Variants in HMCN2 observed in about 807,000 individuals in gnomAD.
The protein encoded by HMCN2 is hemicentin-2.
In HMCN2, 325 loss-of-function variants were observed where a neutral mutation model predicts 377.5. That is an observed-to-expected ratio of 0.86 (90% confidence interval 0.79 to 0.94). The LOEUF is 0.94. HMCN2 is among the 40% of genes least tolerant of loss of function. The pLI, the probability that HMCN2 is intolerant of heterozygous loss-of-function variation, is 0.00. For missense variants in HMCN2, 4,543 were observed against 4,725.3 expected, an observed-to-expected ratio of 0.96 and a Z score of 1.13; for synonymous variants, 2,007 against 2,046.8, an observed-to-expected ratio of 0.98 and a Z score of 0.53.
At chr9:130,330,992 C>CACACAT (rs1838395219) in intron 22 of HMCN2, among the ~76,000 whole-genome samples, 1 of 151,056 alleles carries the variant, frequency 6.6e-6, no homozygotes, top group Non-Finnish European at 1.5e-5. Flanking sequence ...CACACACACA[C>CACACAT]ACACACACAC....
chr9:130,348,246 T>C (rs770459286), intron 26 of HMCN2, among the ~76,000 whole-genome samples: 2 of 152,234 alleles, frequency 1.3e-5, no homozygotes, highest in Admixed American at 6.5e-5. Flanking sequence ...CCCTGGTCAC[T>C]GTGACACCAG....
At chr9:130,275,647 A>G (rs1407735881) in intron 1 of HMCN2, among the ~76,000 whole-genome samples, 7 of 152,106 alleles carry the variant, frequency 4.6e-5, no homozygotes, top group Non-Finnish European at 1.0e-4. Context: ...ATGGAGTTTC[A>G]CTATGTTGGC....
At chr9:130,284,909 G>A (rs1554927055) in intron 2 of HMCN2, among the ~76,000 whole-genome samples, 1 of 152,204 alleles carries the variant, frequency 6.6e-6, no homozygotes, top group African/African-American at 2.4e-5. Context: ...TGCCCTCCAT[G>A]CCAGATTCCA....
Position 130,372,820 on chromosome 9 carries a change from C to T in HMCN2, c.7352-218C>T, listed in dbSNP as rs575261750. Among the ~76,000 whole-genome samples the T allele has an allele frequency of 2.3e-4, 35 of 152,332 alleles. No individual in the cohort carries two copies. The East Asian group carries it at 6.8e-3, about 29-fold the overall frequency. On this transcript the variant is annotated intron_variant, in intron 47 of 97. Transcript: ENST00000683500. Reference sequence around the variant, plus strand: ...TTTTTGACACCACTAAGACTGCCTGCCTCTCATCAGAGTCTTCTTCTGAGA... The same window carrying T: ...TTTTTGACACCACTAAGACTGCCTGTCTCTCATCAGAGTCTTCTTCTGAGA...
intron 32 of HMCN2, 46 bp downstream of exon 32, chr9:130,355,090 C>T: frequency 8.2e-7 from 1 of 1,219,262 alleles, no homozygotes; most frequent in Non-Finnish European, 1.1e-6. Flanking sequence ...CTGTGGACGT[C>T]TGCCCAGGCC....
intron 19 of HMCN2, among the ~76,000 whole-genome samples, chr9:130,323,504 C>T (rs1837959631): frequency 6.6e-6 from 1 of 152,186 alleles, no homozygotes; most frequent in Non-Finnish European, 1.5e-5. Flanking sequence ...GTTAAATTAG[C>T]TTTTGTGCTG....
intron 85 of HMCN2, among the ~76,000 whole-genome samples, chr9:130,416,105 T>A (rs866230965): frequency 1.7e-3 from 250 of 145,914 alleles, no homozygotes; most frequent in African/African-American, 3.2e-3. Context: ...GCTTTATTTT[T>A]TTTTTTTTTT....
chr9:130,346,783 G>A (rs953209951), intron 25 of HMCN2, among the ~76,000 whole-genome samples: 30 of 152,154 alleles, frequency 2.0e-4, no homozygotes, highest in African/African-American at 6.5e-4. Context: ...GCATAGACGC[G>A]TCCTCTGATC....
intron 34 of HMCN2, 61 bp downstream of exon 34, chr9:130,356,318 G>A (rs1564810960): frequency 5.7e-6 from 7 of 1,237,758 alleles, no homozygotes; most frequent in South Asian, 4.2e-5. Flanking sequence ...GGTGGGTGGA[G>A]CCTGGGCTGT....
At chr9:130,348,847 G>A (rs1839538451) in intron 27 of HMCN2, 137 bp from the exon 28 acceptor site, 1 of 1,204,556 alleles carries the variant, frequency 8.3e-7, no homozygotes, top group Non-Finnish European at 1.1e-6. Context: ...AGTGAAGCCT[G>A]GCAGGGGCTG....
chr9:130,425,149 G>A lies in HMCN2; in HGVS notation c.13641+19G>A. On this transcript the variant is annotated intron_variant, in intron 89 of 97. Coordinates refer to ENST00000683500, the MANE Select transcript of HMCN2 (RefSeq NM_001291815.2). ...AGTGCAGGTCGGGGGTCAAGCCCTGGGGTGTGCAGACAGGGTAGGTGAGAG... is the reference window on the plus strand; with the variant it reads ...AGTGCAGGTCGGGGGTCAAGCCCTGAGGTGTGCAGACAGGGTAGGTGAGAG... 1 of 1,536,842 alleles carries A rather than the reference G, an allele frequency of 6.5e-7. No individual in the cohort carries two copies. The highest frequency in any genetic ancestry group is 8.8e-7 in the Non-Finnish European group (1 of 1,139,788).
chr9:130,407,814 C>T, intron 83 of HMCN2, 109 bp downstream of exon 83: 10 of 797,334 alleles, frequency 1.3e-5, no homozygotes, highest in Non-Finnish European at 1.6e-5. Context: ...CTAGTGGTTC[C>T]CCACCCTGGC....
In HMCN2 at chr9:130,375,989, A is replaced by T. The variant is rs1193967942; in HGVS notation, c.7918A>T (p.Ile2640Phe). The change falls in exon 51 of 98, where the codon ATC becomes TTC. Residue 2640 changes from isoleucine to phenylalanine, a missense_variant and splice_region_variant. Around this residue, in one of 5 missense-constraint regions of HMCN2, gnomAD observed 736 missense variants for 773.2 expected, o/e 0.95. Transcript: ENST00000683500. ...AVKNYHVEVL[I>F]PPSISKDDPL... ...GAAAAACTACCATGTGGAAGTGCTC[A>T]GTGAGTCGGGGACCCTGGGGCACAG... 1.0e-6 allele frequency: 1 copy of T among 985,128 alleles called. No homozygotes were observed. Among genetic ancestry groups the T allele is most frequent in the Non-Finnish European group, 1.2e-6 (1 of 829,408 alleles). 61.0% of individuals were successfully genotyped at this position (985,128 alleles called of 1,614,324 possible).
rs1839546726 is a variant in HMCN2 at position 130,348,980 on chromosome 9, C to A, written c.4156-4C>A. On this transcript the variant is annotated splice_region_variant and splice_polypyrimidine_tract_variant and intron_variant, in intron 27 of 97. Transcript: ENST00000683500. ...ACTGGCTCCCTCTGGCCTCTCCTAC[C>A]CAGATTCCTAAGGTGGGCGGCCACC... 7.7e-7 allele frequency: 1 copy of A among 1,303,738 alleles called. No homozygotes were observed. The highest frequency in any genetic ancestry group is 1.0e-6 in the Non-Finnish European group (1 of 988,780). The allele number at this position is 1,303,738 out of a possible 1,614,324, so 80.8% of individuals were successfully genotyped here.
At chr9:130,429,784 A>G in intron 94 of HMCN2, 99 bp downstream of exon 94, 2 of 1,444,052 alleles carry the variant, frequency 1.4e-6, no homozygotes, top group Non-Finnish European at 9.1e-7. Context: ...GGGGACACCC[A>G]CCCTCTGGCC....
At chr9:130,389,003 A>G (rs1032206904) in intron 62 of HMCN2, among the ~76,000 whole-genome samples, 1 of 152,178 alleles carries the variant, frequency 6.6e-6, no homozygotes, top group Non-Finnish European at 1.5e-5. Context: ...GTTCCTCCGC[A>G]TGACGGCAGA....
chr9:130,348,894 C>T (rs1357998429), intron 27 of HMCN2, 90 bp from the exon 28 acceptor site: 2 of 1,233,660 alleles, frequency 1.6e-6, no homozygotes, highest in African/African-American at 1.6e-5. Flanking sequence ...GGCCACTGGC[C>T]ACCTCTCGGG....
At chr9:130,290,042 G>C (rs1390423362) in intron 4 of HMCN2, among the ~76,000 whole-genome samples, 2 of 152,218 alleles carry the variant, frequency 1.3e-5, no homozygotes, top group African/African-American at 4.8e-5. Context: ...AGCACTGCCA[G>C]ATTTTTCGTT....
chr9:130,292,005 G>C (rs1554930190), intron 4 of HMCN2, among the ~76,000 whole-genome samples: 1 of 145,064 alleles, frequency 6.9e-6, no homozygotes, highest in Non-Finnish European at 1.5e-5. Flanking sequence ...TTATTTCCTT[G>C]TGGTGGCATT....
Sources: gnomAD v4.1 joint callset for allele counts (sites outside exome capture counted in the v4.1 genomes callset) on GRCh38, gnomAD v4.1.1 for gene constraint, gnomAD v4.1.1 regional missense constraint, MANE v1.5 for transcripts, NCBI Gene and HGNC (gene_info 2026-07-23, HGNC 2026-07-21) for gene names.